The following CHCHD3 variants were observed in gnomAD, a reference collection of about 807,000 sequenced individuals.
CHCHD3 encodes MICOS complex subunit MIC19.
Under a neutral mutation model 38.2 loss-of-function variants are expected in CHCHD3, and 20 were observed. The ratio of observed to expected loss-of-function variants is 0.52; its 90% CI spans 0.37 to 0.76. The LOEUF is 0.76. Among genes scored for constraint, CHCHD3 ranks in the 30% least tolerant of loss-of-function variants. CHCHD3 has a pLI of 0.00. For missense variants in CHCHD3, 245 were observed against 279.2 expected, an observed-to-expected ratio of 0.88 and a Z score of 0.87; for synonymous variants, 82 against 100.0, an observed-to-expected ratio of 0.82 and a Z score of 1.07.
At chr7:133,056,873 C>T (rs1814353835) in intron 2 of CHCHD3, among the ~76,000 whole-genome samples, 1 of 152,196 alleles carries the variant, frequency 6.6e-6, no homozygotes. Context: ...AATGAGACAA[C>T]TTGTCCATGA....
chr7:133,038,281 T>C (rs1052877272), intron 2 of CHCHD3, among the ~76,000 whole-genome samples: 10 of 152,130 alleles, frequency 6.6e-5, no homozygotes, highest in African/African-American at 2.2e-4. Flanking sequence ...TATTATATTA[T>C]AGAAAAATGC....
intron 3 of CHCHD3, among the ~76,000 whole-genome samples, chr7:133,020,194 A>C (rs1813142150): frequency 6.6e-6 from 1 of 152,234 alleles, no homozygotes; most frequent in East Asian, 1.9e-4. Context: ...GATAAATCTA[A>C]GACAAAATGA....
At chr7:132,949,401 TTGGACCCTG>T (rs1585665932) in intron 4 of CHCHD3, among the ~76,000 whole-genome samples, 2 of 152,288 alleles carry the variant, frequency 1.3e-5, no homozygotes, top group Admixed American at 6.5e-5. Context: ...CTGAGCTTTC[TTGGACCCTG>T]TGGATGAGAA....
chr7:132,869,316 A>G (rs1808708241), intron 5 of CHCHD3, among the ~76,000 whole-genome samples: 1 of 152,158 alleles, frequency 6.6e-6, no homozygotes, highest in South Asian at 2.1e-4. Flanking sequence ...CTAGACTGCA[A>G]TATTACAATA....
At chr7:133,017,811 CAG>C (rs571302768) in intron 3 of CHCHD3, among the ~76,000 whole-genome samples, 7 of 152,082 alleles carry the variant, frequency 4.6e-5, no homozygotes, top group Non-Finnish European at 8.8e-5. Context: ...AAGAATAAAA[CAG>C]AGCTAGAAAA....
intron 5 of CHCHD3, among the ~76,000 whole-genome samples, chr7:132,844,822 A>G (rs187947941): frequency 4.6e-5 from 7 of 152,288 alleles, no homozygotes; most frequent in Admixed American, 4.6e-4. Context: ...ATAATTCTCT[A>G]TATTTGGAAG....
At chr7:132,888,796 A>G (rs1441373741) in intron 4 of CHCHD3, among the ~76,000 whole-genome samples, 2 of 152,070 alleles carry the variant, frequency 1.3e-5, no homozygotes, top group African/African-American at 2.4e-5. Context: ...AACTCAAAAT[A>G]TTAAGTGAGA....
chr7:132,878,968 G>GGTGGGAAACAGCATC (rs1295661552), intron 5 of CHCHD3, among the ~76,000 whole-genome samples: 2 of 152,158 alleles, frequency 1.3e-5, no homozygotes, highest in Admixed American at 1.3e-4. Flanking sequence ...GCTATTCAGA[G>GGTGGGAAACAGCATC]GTGGGAAACA....
intron 6 of CHCHD3, among the ~76,000 whole-genome samples, chr7:132,819,967 C>T (rs1414741257): frequency 6.6e-6 from 1 of 152,128 alleles, no homozygotes; most frequent in Non-Finnish European, 1.5e-5. Context: ...AGGTTATTTT[C>T]ATAATGTGGT....
At chr7:132,787,705 G>C (rs1475746562) in intron 7 of CHCHD3, among the ~76,000 whole-genome samples, 2 of 152,128 alleles carry the variant, frequency 1.3e-5, no homozygotes, top group Non-Finnish European at 2.9e-5. Flanking sequence ...AAACAAGATG[G>C]TGTATTGGGT....
At chr7:133,006,896 ATATAT>A (rs1441953063) in intron 3 of CHCHD3, among the ~76,000 whole-genome samples, 2 of 152,186 alleles carry the variant, frequency 1.3e-5, no homozygotes, top group Non-Finnish European at 2.9e-5. Context: ...TATTTTTATG[ATATAT>A]TATGAGCAAA....
intron 6 of CHCHD3, among the ~76,000 whole-genome samples, chr7:132,819,161 G>C (rs1807277664): frequency 6.6e-6 from 1 of 152,214 alleles, no homozygotes; most frequent in African/African-American, 2.4e-5. Context: ...GAAGGTTTCA[G>C]TTCAACTAAG....
At chr7:132,946,700 G>A (rs1810911374) in intron 4 of CHCHD3, among the ~76,000 whole-genome samples, 1 of 151,756 alleles carries the variant, frequency 6.6e-6, no homozygotes, top group South Asian at 2.1e-4. Context: ...GAGCTCCACA[G>A]TGATGGATTC....
chr7:132,964,759 G>C (rs1811415315), intron 4 of CHCHD3, among the ~76,000 whole-genome samples: 1 of 152,148 alleles, frequency 6.6e-6, no homozygotes, highest in African/African-American at 2.4e-5. Context: ...TGACGAAAGT[G>C]TACAAATAGC....
chr7:133,020,613 A>G (rs1031187760), intron 3 of CHCHD3, among the ~76,000 whole-genome samples: 2 of 152,182 alleles, frequency 1.3e-5, no homozygotes, highest in African/African-American at 4.8e-5. Flanking sequence ...ACAAACCTAA[A>G]AGCATCTGAA....
chr7:132,797,921 A>C (rs1267212898), intron 6 of CHCHD3, among the ~76,000 whole-genome samples: 1 of 152,208 alleles, frequency 6.6e-6, no homozygotes, highest in Admixed American at 6.5e-5. Flanking sequence ...TTTTCAAATT[A>C]GTCTTAATAC....
At chr7:132,885,392 A>G (rs555660699) in intron 5 of CHCHD3, among the ~76,000 whole-genome samples, 1 of 152,310 alleles carries the variant, frequency 6.6e-6, no homozygotes, top group East Asian at 1.9e-4. Flanking sequence ...CCTGGAGGCT[A>G]TGTAGATTCT....
chr7:132,807,011 T>C (rs554506678), intron 6 of CHCHD3, among the ~76,000 whole-genome samples: 1 of 152,110 alleles, frequency 6.6e-6, no homozygotes, highest in Admixed American at 6.5e-5. Flanking sequence ...GCTGGTGAGA[T>C]GGGGAGGAGT....
Position 133,035,936 on chromosome 7 carries a change from A to C in CHCHD3, c.170-11309T>G, listed in dbSNP as rs746564700. 6.5e-7 allele frequency: 1 copy of C among 1,537,472 alleles called. No homozygotes were observed. The highest frequency in any genetic ancestry group is 1.8e-5 in the Admixed American group (1 of 55,860). ...CAGCCGCCATGGTGATTCCGCAAAG[A>C]AAGGCTGGATCCAGTCTTAAAAGTG... is the stretch of plus-strand genomic sequence containing the variant. On this transcript the variant is annotated intron_variant, in intron 2 of 7. Coordinates refer to ENST00000262570, the MANE Select transcript of CHCHD3 (RefSeq NM_017812.4). The surrounding 1 kb of genome is among the most constrained non-coding windows in gnomAD (Gnocchi z 4.7).
Sources: allele counts gnomAD v4.1 joint callset (sites outside exome capture counted in the v4.1 genomes callset), GRCh38; gene constraint gnomAD v4.1.1; non-coding constraint Gnocchi (gnomAD v3.1); transcripts MANE v1.5; gene names NCBI Gene and HGNC (gene_info 2026-07-23, HGNC 2026-07-21).